Variants in ERCC6 observed in about 807,000 individuals in gnomAD.
ERCC6 encodes ERCC excision repair 6, chromatin remodeling factor, also known as DNA excision repair protein ERCC-6.
ERCC6 carries 116 observed loss-of-function variants against 158.7 expected under a neutral mutation model. The ratio of observed to expected loss-of-function variants is 0.73; its 90% CI spans 0.63 to 0.85. The LOEUF (loss-of-function observed/expected upper bound fraction) is 0.85, where lower values mean the gene tolerates loss of function less well. ERCC6 is among the 40% of genes least tolerant of loss of function. ERCC6 has a pLI of 0.00. For missense variants in ERCC6, 1,698 were observed against 1,799.4 expected, an observed-to-expected ratio of 0.94 and a Z score of 1.02; for synonymous variants, 678 against 659.3, an observed-to-expected ratio of 1.03 and a Z score of -0.43.
intron 7 of ERCC6, among the ~76,000 whole-genome samples, chr10:49,499,219 G>C (rs192123314): frequency 1.4e-4 from 22 of 152,252 alleles, no homozygotes; most frequent in Admixed American, 1.2e-3. Flanking sequence ...ACAACACGAT[G>C]TTTAGCATTT....
the ERCC6 span, among the ~76,000 whole-genome samples, chr10:49,447,281 T>G: frequency 8.5e-5 from 13 of 152,370 alleles, no homozygotes; most frequent in Middle Eastern, 3.4e-3. Flanking sequence ...AGATATTTTT[T>G]AAAGTGTACA....
chr10:49,519,844 C>G (rs1052229261), intron 5 of ERCC6, among the ~76,000 whole-genome samples: 1 of 152,220 alleles, frequency 6.6e-6, no homozygotes, highest in African/African-American at 2.4e-5. Flanking sequence ...CCCTCAGAGT[C>G]AGCGGGAGCT....
chr10:49,501,351 T>C, intron 6 of ERCC6: 1 of 152,310 alleles, frequency 6.6e-6, no homozygotes, highest in Non-Finnish European at 1.5e-5. Flanking sequence ...AAGGTCTTTT[T>C]AATATTTCAA....
intron 18 of ERCC6, among the ~76,000 whole-genome samples, chr10:49,462,499 A>T (rs535635812): frequency 4.5e-4 from 57 of 126,146 alleles, no homozygotes; most frequent in Middle Eastern, 4.4e-3. Context: ...CAATTTTTTT[A>T]AAAAAAAACC....
At chr10:49,496,200 T>G (rs116610439) in intron 7 of ERCC6, among the ~76,000 whole-genome samples, 67 of 152,282 alleles carry the variant, frequency 4.4e-4, no homozygotes, top group African/African-American at 1.5e-3. Flanking sequence ...CCCTGTCCCT[T>G]TCTCTGTAAA....
At position 49,533,832 on chromosome 10, in the gene ERCC6, T is replaced by G. The variant is rs1254624465; in HGVS notation, c.-14-854A>C. On this transcript the variant is annotated intron_variant, in intron 1 of 20. Coordinates refer to ENST00000355832, the MANE Select transcript of ERCC6 (RefSeq NM_000124.4). ...ATTTAAAGTTTTTTTAAAAGATTAA[T>G]TAAAATATTCTCAAAAATAGGCTGG... 2.0e-5 allele frequency among the ~76,000 whole-genome samples: 3 copies of G among 151,536 alleles called. No individual in the cohort carries two copies. In the East Asian group the frequency reaches 5.8e-4, roughly 29 times the overall value.
At chr10:49,453,293 T>C (rs1283344553), downstream of ERCC6, among the ~76,000 whole-genome samples, 1 of 152,172 alleles carries the variant, frequency 6.6e-6, no homozygotes, top group Non-Finnish European at 1.5e-5. Context: ...ATATAGAAGC[T>C]TTACTCTTAT....
chr10:49,459,203 T>G lies in ERCC6; in HGVS notation c.4094A>C (p.Asn1365Thr), dbSNP rs746586048. The change falls in exon 21 of 21, where the codon AAT (asparagine) becomes ACT (threonine). Residue 1365 changes from asparagine (N) to threonine (T), a missense_variant. Asn to Thr is a moderately conservative substitution (Grantham distance 65). Transcript: ENST00000355832. ...DGIMKKEGKD[N>T]VPEHFSGRAE... is the part of the protein sequence containing the mutation. ...TCTTCCACTAAAATGCTCAGGGACA[T>G]TATCTTTTCCCTCCTTTTTCATGAT... 1 of 1,614,150 alleles carries G rather than the reference T, an allele frequency of 6.2e-7. No individual in the cohort carries two copies. The highest frequency in any genetic ancestry group is 8.5e-7 in the Non-Finnish European group (1 of 1,180,018).
chr10:49,523,395 T>A (rs1265727056), intron 5 of ERCC6, among the ~76,000 whole-genome samples: 1 of 152,230 alleles, frequency 6.6e-6, no homozygotes, highest in Non-Finnish European at 1.5e-5. Context: ...GCTTGCTTTA[T>A]ACAATGACAA....
chr10:49,505,442 A>G (rs565727472), intron 6 of ERCC6: 4 of 166,490 alleles, frequency 2.4e-5, no homozygotes, highest in Non-Finnish European at 3.9e-5. Context: ...CAGGTACAAT[A>G]TAAGACACTC....
Position 49,483,469 on chromosome 10 carries a change from T to A in ERCC6, c.1869A>T (p.Thr623=), listed in dbSNP as rs1389511664. 6.2e-6 allele frequency: 10 copies of A among 1,614,038 alleles called. No homozygotes were observed. In the African/African-American group the frequency reaches 1.3e-4, roughly 22 times the overall value. The change falls in exon 9 of 21, where the codon ACA becomes ACT. Residue 623 remains threonine (T), a synonymous_variant. Transcript: ENST00000355832. ...GCATCAATCGAATGTAGGAGTAAGATGTGATCAAAATTCCATGACAATGAG... is the reference window on the plus strand; with the variant it reads ...GCATCAATCGAATGTAGGAGTAAGAAGTGATCAAAATTCCATGACAATGAG... ...DVAHCHGILI[T]SYSYIRLMQD... is the part of the protein sequence containing the mutation.
In ERCC6 at chr10:49,458,694, T is replaced by A; in HGVS notation, c.*121A>T. On this transcript the variant is annotated 3_prime_UTR_variant, in exon 21 of 21. Transcript: ENST00000355832. ...TAAAGTTTTAATTCTGAGGTAGACA[T>A]CATGCAAACAAACATCAAGTGCAGC... is the stretch of plus-strand genomic sequence containing the variant. 1 of 942,628 alleles carries A rather than the reference T, an allele frequency of 1.1e-6. No individual in the cohort carries two copies. The highest frequency in any genetic ancestry group is 1.7e-6 in the Non-Finnish European group (1 of 598,194). 58.4% of individuals were successfully genotyped at this position (942,628 alleles called of 1,614,324 possible).
At position 49,528,476 on chromosome 10, in the gene ERCC6, A is replaced by T; in HGVS notation, c.593T>A (p.Ile198Asn). ...ITAKQKHLQAILGGAEVKIEL... is the reference protein window; with the variant it reads ...ITAKQKHLQANLGGAEVKIEL... ...AATTTTCACCTCTGCTCCTCCAAGG[A>T]TGGCCTGGAGATGCTTTTGTTTTGC... The change falls in exon 4 of 21, where the codon ATC (isoleucine) becomes AAC (asparagine). Residue 198 changes from isoleucine to asparagine, a missense_variant. Physicochemically the swap from Ile to Asn is moderately radical, Grantham distance 149. Coordinates refer to ENST00000355832, the MANE Select transcript of ERCC6 (RefSeq NM_000124.4). 1 of 1,614,192 alleles carries T rather than the reference A, an allele frequency of 6.2e-7. No homozygotes were observed. The highest frequency in any genetic ancestry group is 1.1e-5 in the South Asian group (1 of 91,088).
At chr10:49,530,450 G>A (rs1240738823) in intron 3 of ERCC6, among the ~76,000 whole-genome samples, 4 of 152,068 alleles carry the variant, frequency 2.6e-5, no homozygotes, top group Non-Finnish European at 5.9e-5. Flanking sequence ...TGGGTTTGTC[G>A]GGATGTAACC....
chr10:49,450,528 C>A (rs996931825), downstream of ERCC6, among the ~76,000 whole-genome samples: 7 of 152,184 alleles, frequency 4.6e-5, no homozygotes, highest in Non-Finnish European at 8.8e-5. Context: ...TTGTCAATTT[C>A]TGCAAAGATG....
chr10:49,497,490 G>T (rs921008175), intron 7 of ERCC6, among the ~76,000 whole-genome samples: 1 of 152,182 alleles, frequency 6.6e-6, no homozygotes. Flanking sequence ...TCTAAGGCTA[G>T]TATATTCTTC....
intron 1 of ERCC6, among the ~76,000 whole-genome samples, chr10:49,534,158 A>G (rs1837541820): frequency 6.6e-6 from 1 of 151,532 alleles, no homozygotes; most frequent in South Asian, 2.1e-4. Context: ...AAAAAAACAA[A>G]AAAAAAACTC....
intron 8 of ERCC6, among the ~76,000 whole-genome samples, chr10:49,490,858 C>G (rs1321779111): frequency 6.6e-6 from 1 of 152,176 alleles, no homozygotes; most frequent in Non-Finnish European, 1.5e-5. Context: ...GACAGAACAG[C>G]TGGTGGGCAC....
intron 10 of ERCC6, among the ~76,000 whole-genome samples, chr10:49,479,484 A>C (rs1850939253): frequency 6.6e-6 from 1 of 152,200 alleles, no homozygotes; most frequent in Admixed American, 6.5e-5. Context: ...ATAAAAAAGA[A>C]GCTCAACTAA....
Sources: allele counts gnomAD v4.1 joint callset (sites outside exome capture counted in the v4.1 genomes callset), GRCh38; gene constraint gnomAD v4.1.1; transcripts MANE v1.5; gene names NCBI Gene and HGNC (gene_info 2026-07-23, HGNC 2026-07-21).